METTL15: variants seen among roughly 807,000 people sequenced by gnomAD.
METTL15 encodes the protein methyltransferase 15, mitochondrial 12S rRNA N4-cytidine, also known as 12S rRNA N(4)-cytidine methyltransferase METTL15.
In METTL15, 34 loss-of-function variants were observed where a neutral mutation model predicts 38.3. The observed-to-expected ratio is 0.89, with a 90% confidence interval of 0.68 to 1.18. The LOEUF is 1.18. Among genes scored for constraint, METTL15 ranks in the 50% most tolerant of loss-of-function variants. The probability of loss-of-function intolerance (pLI) is 0.00; values close to 1 mark genes in which losing one functional copy is unlikely to be tolerated. For missense variants in METTL15, 438 were observed against 498.4 expected, an observed-to-expected ratio of 0.88 and a Z score of 1.15; for synonymous variants, 162 against 170.9, an observed-to-expected ratio of 0.95 and a Z score of 0.41.
At chr11:28,233,431 A>G (rs894731292) in intron 4 of METTL15, among the ~76,000 whole-genome samples, 1 of 151,944 alleles carries the variant, frequency 6.6e-6, no homozygotes, top group African/African-American at 2.4e-5. Flanking sequence ...TCCTTATGTA[A>G]CATCTAAATA....
chr11:28,243,786 C>A (rs1473256158), intron 4 of METTL15, among the ~76,000 whole-genome samples: 1 of 151,952 alleles, frequency 6.6e-6, no homozygotes, highest in Non-Finnish European at 1.5e-5. Flanking sequence ...ATGAGTCTTC[C>A]CCCGGAGAAT....
Position 28,466,071 on chromosome 11 carries a change from G to A in METTL15, c.*424+41707G>A, listed in dbSNP as rs1364425757. 9.2e-5 allele frequency among the ~76,000 whole-genome samples: 14 copies of A among 152,096 alleles called. 1 individual carries two copies. The highest frequency in any genetic ancestry group is 5.9e-4 in the Admixed American group (9 of 15,272). On this transcript the variant is annotated intron_variant and NMD_transcript_variant, in intron 6 of 7. Transcript: ENST00000532947. ...GCTTGAGCTATCTTCAATTGAAGTC[G>A]GGGGGATCTTAAGGAACTCAAGAAT...
intron 6 of METTL15, among the ~76,000 whole-genome samples, chr11:28,446,255 G>A (rs1220676806): frequency 1.3e-5 from 2 of 152,034 alleles, no homozygotes; most frequent in African/African-American, 4.8e-5. Context: ...AAGGCCATCT[G>A]CTTGGACTTC....
At chr11:28,149,759 G>T (rs920510173) in intron 3 of METTL15, among the ~76,000 whole-genome samples, 5 of 151,558 alleles carry the variant, frequency 3.3e-5, no homozygotes, top group African/African-American at 1.2e-4. Context: ...GCTTCCCATA[G>T]AAATTTATTT....
At chr11:28,129,512 A>G (rs1256147574) in intron 3 of METTL15, among the ~76,000 whole-genome samples, 1 of 151,634 alleles carries the variant, frequency 6.6e-6, no homozygotes, top group African/African-American at 2.4e-5. Context: ...CAGGTTCAAG[A>G]GATTCTCCCT....
intron 6 of METTL15, among the ~76,000 whole-genome samples, chr11:28,498,201 G>A (rs1053583498): frequency 6.6e-6 from 1 of 152,008 alleles, no homozygotes; most frequent in African/African-American, 2.4e-5. Context: ...ATTTCAGATT[G>A]TAACTGGAGT....
intron 2 of METTL15, among the ~76,000 whole-genome samples, chr11:28,110,838 A>C (rs778571375): frequency 2.0e-5 from 3 of 152,208 alleles, no homozygotes; most frequent in Non-Finnish European, 4.4e-5. Flanking sequence ...TTATGCTCTC[A>C]ACAGCCAAAA....
chr11:28,395,452 C>T (rs1850557975), intron 5 of METTL15, among the ~76,000 whole-genome samples: 1 of 152,056 alleles, frequency 6.6e-6, no homozygotes, highest in Middle Eastern at 3.4e-3. Flanking sequence ...CCTCACCCCA[C>T]CTATTTCAGG....
chr11:28,512,450 C>T (rs1458096127), intron 6 of METTL15, among the ~76,000 whole-genome samples: 1 of 152,202 alleles, frequency 6.6e-6, no homozygotes, highest in Non-Finnish European at 1.5e-5. Flanking sequence ...TCAGGCATGG[C>T]AGGCTGCAGG....
At chr11:28,275,904 T>G (rs920566628) in intron 4 of METTL15, among the ~76,000 whole-genome samples, 1 of 152,090 alleles carries the variant, frequency 6.6e-6, no homozygotes, top group South Asian at 2.1e-4. Flanking sequence ...CCTCCCTTCA[T>G]GATAAAAACT....
intron 3 of METTL15, among the ~76,000 whole-genome samples, chr11:28,192,406 T>C (rs1371052375): frequency 6.6e-6 from 1 of 151,848 alleles, no homozygotes; most frequent in Non-Finnish European, 1.5e-5. Flanking sequence ...GTTATTCCTT[T>C]TATATATTAA....
chr11:28,212,569 A>G (rs183404097), intron 4 of METTL15, among the ~76,000 whole-genome samples: 10 of 152,310 alleles, frequency 6.6e-5, no homozygotes, highest in African/African-American at 2.4e-4. Flanking sequence ...AAAATGGTTC[A>G]GTATGTGCAT....
At chr11:28,164,629 T>A (rs1850591096) in intron 3 of METTL15, among the ~76,000 whole-genome samples, 1 of 152,120 alleles carries the variant, frequency 6.6e-6, no homozygotes, top group South Asian at 2.1e-4. Flanking sequence ...AATGATTAAA[T>A]CAAGCCAATT....
At chr11:28,238,994 A>T (rs1012980988) in intron 4 of METTL15, among the ~76,000 whole-genome samples, 1 of 152,058 alleles carries the variant, frequency 6.6e-6, no homozygotes, top group Non-Finnish European at 1.5e-5. Context: ...TTCCTTGTCA[A>T]ACTCTTCATG....
At chr11:28,181,259 A>ATTTTTTTTTTTTTTTTTTTTTTTTTTT (rs71449171) in intron 3 of METTL15, among the ~76,000 whole-genome samples, 4 of 133,798 alleles carry the variant, frequency 3.0e-5, no homozygotes, top group Non-Finnish European at 6.3e-5. Context: ...TTAATTTTTA[A>ATTTTTTTTTTTTTTTTTTTTTTTTTTT]TTTTTTTTTT....
At chr11:28,364,020 A>G (rs1163298160) in intron 5 of METTL15, among the ~76,000 whole-genome samples, 1 of 151,898 alleles carries the variant, frequency 6.6e-6, no homozygotes, top group East Asian at 1.9e-4. Flanking sequence ...TGGGTTCTCT[A>G]TTCTGTTTCG....
chr11:28,110,825 A>G (rs149951153), intron 2 of METTL15, among the ~76,000 whole-genome samples: 6 of 152,290 alleles, frequency 3.9e-5, no homozygotes, highest in East Asian at 3.9e-4. Flanking sequence ...TAATCTGGCA[A>G]TTTTATGCTC....
At chr11:28,260,133 C>T (rs1855141679) in intron 4 of METTL15, among the ~76,000 whole-genome samples, 1 of 152,212 alleles carries the variant, frequency 6.6e-6, no homozygotes, top group South Asian at 2.1e-4. Context: ...TTTCTCTAAG[C>T]TTCTTCTTGT....
Position 28,434,554 on chromosome 11 carries a change from G to A in METTL15, c.*424+10190G>A, listed in dbSNP as rs188566004. Reference sequence around the variant, plus strand: ...GATTTTATGAATATCACTAAAAGATGAATCTATTAATGAGGGAATATCCTT... The same window carrying A: ...GATTTTATGAATATCACTAAAAGATAAATCTATTAATGAGGGAATATCCTT... On this transcript the variant is annotated intron_variant and NMD_transcript_variant, in intron 6 of 7. Transcript: ENST00000532947. 2.0e-3 allele frequency among the ~76,000 whole-genome samples: 308 copies of A among 152,308 alleles called. 1 individual carries two copies. The highest frequency in any genetic ancestry group is 6.0e-3 in the African/African-American group (249 of 41,550).
Sources: allele counts gnomAD v4.1 joint callset (sites outside exome capture counted in the v4.1 genomes callset), GRCh38; gene constraint gnomAD v4.1.1; transcripts MANE v1.5; gene names NCBI Gene and HGNC (gene_info 2026-07-23, HGNC 2026-07-21).